Variants in ANKHD1 observed in about 807,000 individuals in gnomAD.
ANKHD1 encodes the protein ankyrin repeat and KH domain containing 1, also known as ankyrin repeat and KH domain-containing protein 1.
Under a neutral mutation model 230.5 loss-of-function variants are expected in ANKHD1, and 31 were observed. That is an observed-to-expected ratio of 0.13 (90% CI 0.10 to 0.18). ANKHD1 has a LOEUF of 0.18. ANKHD1 is among the 10% of genes least tolerant of loss of function. The probability of loss-of-function intolerance (pLI) is 1.00; values close to 1 mark genes in which losing one functional copy is unlikely to be tolerated. For missense variants in ANKHD1, 2,256 were observed against 3,071.3 expected, an observed-to-expected ratio of 0.73 and a Z score of 6.27; for synonymous variants, 1,074 against 1,117.6, an observed-to-expected ratio of 0.96 and a Z score of 0.78.
At chr5:140,479,062 G>T (rs1561781571) in intron 10 of ANKHD1, among the ~76,000 whole-genome samples, 1 of 150,922 alleles carries the variant, frequency 6.6e-6, no homozygotes, top group South Asian at 2.1e-4. Flanking sequence ...GCAGTGGCAC[G>T]ATCTTGGCTC....
chr5:140,413,009 A>T (rs1391503761), intron 1 of ANKHD1, among the ~76,000 whole-genome samples: 1 of 152,186 alleles, frequency 6.6e-6, no homozygotes, highest in African/African-American at 2.4e-5. Context: ...ATGTTTTTTT[A>T]AAAAATGTAG....
Position 140,418,069 on chromosome 5 carries a change from C to T in ANKHD1, c.306+15796C>T, listed in dbSNP as rs185294743. ...GTTGTCCAGGCCAGTCTCAAACTCC[C>T]GACCTCAGGCGATCTGCCCTCCTCG... On this transcript the variant is annotated intron_variant, in intron 1 of 33. Coordinates refer to ENST00000360839, the MANE Select transcript of ANKHD1 (RefSeq NM_017747.3). Among the ~76,000 whole-genome samples the T allele has an allele frequency of 4.6e-3, 693 of 149,978 alleles. 4 individuals are homozygous for T. Among genetic ancestry groups the T allele is most frequent in the African/African-American group, 0.016 (669 of 40,780 alleles).
At chr5:140,492,231 T>A (rs867744596) in intron 14 of ANKHD1, among the ~76,000 whole-genome samples, 1 of 152,218 alleles carries the variant, frequency 6.6e-6, no homozygotes, top group African/African-American at 2.4e-5. Flanking sequence ...ATCATTCTTA[T>A]ATGGATTTAC....
intron 7 of ANKHD1, among the ~76,000 whole-genome samples, chr5:140,454,903 CA>C (rs941284756): frequency 6.6e-6 from 1 of 151,580 alleles, no homozygotes; most frequent in African/African-American, 2.4e-5. Flanking sequence ...AAAAACCCTT[CA>C]AAAAAAATCA....
Position 140,538,148 on chromosome 5 carries a change from G to A in ANKHD1, c.7291G>A (p.Asp2431Asn). ...GNHPMHQQLS[D>N]PSTFSQHQPM... ...CCATCCAATGCATCAACAATTATCA[G>A]ACCCAAGCACATTCTCCCAACATCA... The change falls in exon 32 of 34, where the codon GAC becomes AAC. Residue 2431 changes from aspartate to asparagine, a missense_variant. Around this residue, in one of 13 missense-constraint regions of ANKHD1, gnomAD observed 778 missense variants for 966.5 expected, o/e 0.80. Transcript: ENST00000360839. The A allele has an allele frequency of 3.1e-6, 5 of 1,614,128 alleles. No homozygotes were observed. Among genetic ancestry groups the A allele is most frequent in the Non-Finnish European group, 4.2e-6 (5 of 1,180,014 alleles).
intron 1 of ANKHD1, among the ~76,000 whole-genome samples, chr5:140,426,052 C>T (rs758155551): frequency 3.3e-5 from 5 of 152,106 alleles, no homozygotes; most frequent in African/African-American, 7.2e-5. Flanking sequence ...AGAGGACTAG[C>T]GAGTACATGT....
chr5:140,447,878 C>G (rs1411087427), intron 6 of ANKHD1, among the ~76,000 whole-genome samples: 1 of 152,182 alleles, frequency 6.6e-6, no homozygotes, highest in Non-Finnish European at 1.5e-5. Flanking sequence ...GGCCTTATAA[C>G]TACCACTTAC....
Position 140,509,013 on chromosome 5 carries a change from C to G in ANKHD1, c.3766-624C>G, listed in dbSNP as rs75034728. On this transcript the variant is annotated intron_variant, in intron 20 of 33. Coordinates refer to ENST00000360839, the MANE Select transcript of ANKHD1 (RefSeq NM_017747.3). The stretch of plus-strand genomic sequence containing the variant: ...TGACTGGAAATCTCGTACTTCTTCC[C>G]TGAAATTCCTTTTACTTCTTAAAGT... 9.1e-3 allele frequency among the ~76,000 whole-genome samples: 1,384 copies of G among 152,188 alleles called. 16 individuals are homozygous for G. Among genetic ancestry groups the G allele is most frequent in the African/African-American group, 0.032 (1,308 of 41,516 alleles).
intron 31 of ANKHD1, 167 bp downstream of exon 31, chr5:140,537,756 G>T: frequency 9.0e-7 from 1 of 1,115,862 alleles, no homozygotes. Flanking sequence ...TCCAATTTCA[G>T]AGTCTGGAAT....
intron 11 of ANKHD1, 181 bp from the exon 12 acceptor site, chr5:140,484,940 T>C: frequency 1.0e-6 from 1 of 998,264 alleles, no homozygotes; most frequent in Non-Finnish European, 1.3e-6. Context: ...TGTTTCTTCC[T>C]CTGGGTGCTG....
chr5:140,454,685 C>T lies in ANKHD1; in HGVS notation c.1243-3940C>T, dbSNP rs1238314947. ...CCAACAAGAACAAAGACACAACATA[C>T]CAGAATCTCTGGGACACATTTAAAG... On this transcript the variant is annotated intron_variant, in intron 7 of 33. Transcript: ENST00000360839. Among the ~76,000 whole-genome samples, 5 of 152,254 alleles carry T rather than the reference C, an allele frequency of 3.3e-5. No homozygotes were observed. In the South Asian group the frequency reaches 6.2e-4, roughly 19 times the overall value.
intron 24 of ANKHD1, among the ~76,000 whole-genome samples, chr5:140,520,738 A>T (rs991767386): frequency 7.4e-6 from 1 of 135,246 alleles, no homozygotes; most frequent in African/African-American, 2.7e-5. Flanking sequence ...ATGAGAACAC[A>T]TGGACACAGG....
chr5:140,487,497 A>G (rs181403967), intron 14 of ANKHD1, among the ~76,000 whole-genome samples: 1 of 152,370 alleles, frequency 6.6e-6, no homozygotes, highest in East Asian at 1.9e-4. Context: ...AGTTGCATTT[A>G]TGCAATGCTG....
At chr5:140,454,436 T>C (rs1775002105) in intron 7 of ANKHD1, among the ~76,000 whole-genome samples, 2 of 152,158 alleles carry the variant, frequency 1.3e-5, no homozygotes, top group South Asian at 4.1e-4. Context: ...ATCACACTTA[T>C]TCCAAAATTG....
intron 14 of ANKHD1, among the ~76,000 whole-genome samples, chr5:140,491,119 C>CACAT (rs1281323850): frequency 8.5e-5 from 4 of 46,930 alleles, no homozygotes; most frequent in East Asian, 1.1e-3. Flanking sequence ...CACACACACA[C>CACAT]ATATATATAT....
At chr5:140,421,755 C>T (rs78732555) in intron 1 of ANKHD1, among the ~76,000 whole-genome samples, 2,467 of 152,254 alleles carry the variant, frequency 0.016, 75 homozygotes, top group African/African-American at 0.056. Context: ...GCTCAGTGAA[C>T]AATAAGAGTC....
intron 10 of ANKHD1, among the ~76,000 whole-genome samples, chr5:140,479,385 G>A (rs553489379): frequency 1.3e-5 from 2 of 152,020 alleles, no homozygotes; most frequent in African/African-American, 4.8e-5. Flanking sequence ...TTGTAGCCTT[G>A]GAAAATAATT....
At chr5:140,486,691 G>A in intron 13 of ANKHD1, 1 of 223,584 alleles carries the variant, frequency 4.5e-6, no homozygotes, top group South Asian at 1.0e-4. Context: ...AGCTACAATT[G>A]GAACCAGCAA....
At chr5:140,419,560 A>C (rs1771706850) in intron 1 of ANKHD1, among the ~76,000 whole-genome samples, 1 of 150,934 alleles carries the variant, frequency 6.6e-6, no homozygotes, top group Non-Finnish European at 1.5e-5. Context: ...TCTGGGTTCA[A>C]GTGATCCTCC....
Sources: allele counts gnomAD v4.1 joint callset (sites outside exome capture counted in the v4.1 genomes callset), GRCh38; gene constraint gnomAD v4.1.1; regional missense constraint gnomAD v4.1.1; transcripts MANE v1.5; gene names NCBI Gene and HGNC (gene_info 2026-07-23, HGNC 2026-07-21).